The following TTLL7 variants were observed in gnomAD, a reference collection of about 807,000 sequenced individuals.
The protein encoded by TTLL7 is tubulin tyrosine ligase like 7.
Under a neutral mutation model 120.2 loss-of-function variants are expected in TTLL7, and 53 were observed. The ratio of observed to expected loss-of-function variants is 0.44; its 90% CI spans 0.35 to 0.55. The LOEUF (loss-of-function observed/expected upper bound fraction) is 0.55, where lower values mean the gene tolerates loss of function less well. TTLL7 is among the 20% of genes least tolerant of loss of function. The probability of loss-of-function intolerance (pLI) is 0.00; values close to 1 mark genes in which losing one functional copy is unlikely to be tolerated. For synonymous variants in TTLL7, 353 were observed against 351.7 expected (o/e 1.00, Z -0.04); for missense variants, 803 against 1,054.7 (o/e 0.76, Z 3.31).
chr1:83,965,580 T>C (rs986138288), intron 1 of TTLL7, among the ~76,000 whole-genome samples: 7 of 152,168 alleles, frequency 4.6e-5, no homozygotes, highest in Non-Finnish European at 1.0e-4. Context: ...GGTATGCAAC[T>C]TTAAATGCTC....
At chr1:83,959,260 G>A (rs1455160361) in intron 1 of TTLL7, among the ~76,000 whole-genome samples, 1 of 152,170 alleles carries the variant, frequency 6.6e-6, no homozygotes, top group Non-Finnish European at 1.5e-5. Flanking sequence ...TCTGATGCAG[G>A]CTAAAGCTCT....
At position 83,904,073 on chromosome 1, in the gene TTLL7, A is replaced by T; in HGVS notation, c.2208+6T>A. 6.2e-7 allele frequency: 1 copy of T among 1,609,602 alleles called. No homozygotes were observed. The highest frequency in any genetic ancestry group is 8.5e-7 in the Non-Finnish European group (1 of 1,177,030). ...AGGGAAAAAACTTGTTTTGAGCATT[A>T]CTCACTTTTCGTTGTTTTACAGAGT... On this transcript the variant is annotated splice_donor_region_variant and intron_variant, in intron 18 of 20. Transcript: ENST00000260505.
chr1:83,950,426 TTATTTTTAG>T (rs1192188168), intron 3 of TTLL7, among the ~76,000 whole-genome samples: 6 of 152,286 alleles, frequency 3.9e-5, no homozygotes, highest in African/African-American at 1.2e-4. Context: ...CTAGTTCAAA[TTATTTTTAG>T]TACTTAAAGT....
intron 18 of TTLL7, among the ~76,000 whole-genome samples, chr1:83,892,790 A>ACGCATATGTGAACATATATATGAG (rs1376615481): frequency 5.4e-3 from 469 of 86,382 alleles, no homozygotes; most frequent in Admixed American, 7.2e-3. Flanking sequence ...ATATATATGA[A>ACGCATATGTGAACATATATATGAG]CGCATATGTG....
chr1:83,967,201 T>C (rs1307593107), intron 1 of TTLL7, among the ~76,000 whole-genome samples: 3 of 152,102 alleles, frequency 2.0e-5, no homozygotes, highest in Non-Finnish European at 4.4e-5. Context: ...GTGTGTCTTA[T>C]AACAAACAGG....
rs185965640 is a variant in TTLL7 at position 83,905,498 on chromosome 1, A to G, written c.2127+831T>C. 3.2e-3 allele frequency among the ~76,000 whole-genome samples: 473 copies of G among 149,926 alleles called. 2 individuals carry two copies. Among genetic ancestry groups the G allele is most frequent in the Admixed American group, 5.4e-3 (80 of 14,722 alleles). On this transcript the variant is annotated intron_variant, in intron 17 of 20. Transcript: ENST00000260505. Reference sequence around the variant, plus strand: ...TGTAGTTTTTATCCTATAACTGGCCACTAGATGGTGCCCTCTCCTCTGGGA... The same window carrying G: ...TGTAGTTTTTATCCTATAACTGGCCGCTAGATGGTGCCCTCTCCTCTGGGA...
At chr1:83,909,696 T>C (rs868038219) in intron 15 of TTLL7, among the ~76,000 whole-genome samples, 3 of 152,174 alleles carry the variant, frequency 2.0e-5, no homozygotes, top group Admixed American at 6.6e-5. Context: ...TTTAGTGCAC[T>C]ATTGTCTGAT....
intron 4 of TTLL7, chr1:83,949,303 T>C (rs193166605): frequency 3.3e-5 from 5 of 149,994 alleles, no homozygotes; most frequent in African/African-American, 1.3e-4. Flanking sequence ...GAAGAGGTGT[T>C]TTTTTTGTTT....
At chr1:83,960,674 TA>T (rs1649934397) in intron 1 of TTLL7, among the ~76,000 whole-genome samples, 1 of 152,138 alleles carries the variant, frequency 6.6e-6, no homozygotes, top group African/African-American at 2.4e-5. Context: ...GGGAATCCTC[TA>T]CTTTTATAGG....
intron 9 of TTLL7, among the ~76,000 whole-genome samples, chr1:83,930,818 G>T (rs1184862256): frequency 6.6e-6 from 1 of 151,978 alleles, no homozygotes; most frequent in African/African-American, 2.4e-5. Flanking sequence ...TGGTACTGAG[G>T]TCTTGGTATA....
intron 6 of TTLL7, 22 bp from the exon 7 acceptor site, chr1:83,942,701 A>G (rs770376673): frequency 1.3e-5 from 21 of 1,558,876 alleles, no homozygotes; most frequent in Non-Finnish European, 1.8e-5. Context: ...GAAAAAAATT[A>G]AAAGAATGAT....
chr1:83,922,301 G>T (rs1261464518), intron 10 of TTLL7, among the ~76,000 whole-genome samples: 1 of 152,152 alleles, frequency 6.6e-6, no homozygotes, highest in African/African-American at 2.4e-5. Context: ...GTAGGGCCCA[G>T]ATAAGAGTGT....
chr1:83,899,498 T>A (rs761819195), intron 18 of TTLL7, among the ~76,000 whole-genome samples: 1 of 152,120 alleles, frequency 6.6e-6, no homozygotes, highest in East Asian at 1.9e-4. Flanking sequence ...AGACCAGCCC[T>A]TTCTGTTCTT....
intron 20 of TTLL7, among the ~76,000 whole-genome samples, chr1:83,877,022 G>T (rs72722886): frequency 0.051 from 7,736 of 151,968 alleles, 291 homozygotes; most frequent in Middle Eastern, 0.082. Context: ...TATGTTTGTT[G>T]TAAGTTTTTC....
At chr1:83,976,948 A>G (rs1651546271) in intron 1 of TTLL7, among the ~76,000 whole-genome samples, 1 of 151,998 alleles carries the variant, frequency 6.6e-6, no homozygotes, top group South Asian at 2.1e-4. Context: ...AACTCCATCA[A>G]ACCCTTTTTA....
At position 83,868,408 on chromosome 1, in the gene TTLL7, C is replaced by G. The variant is rs1653062040; in HGVS notation, c.*1554G>C. On this transcript the variant is annotated 3_prime_UTR_variant, in exon 21 of 21. Transcript: ENST00000260505. ...TTTTATGGAAAACTGAAAGCTCACT[C>G]TTGGTTTTAAAAACTGTATTCAAGA... 3 of 152,114 alleles carry G rather than the reference C, an allele frequency of 2.0e-5. No individual in the cohort carries two copies. Among genetic ancestry groups the G allele is most frequent in the Admixed American group, 2.0e-4 (3 of 15,272 alleles). The allele number at this position is 152,114 out of a possible 1,614,324, so 9.4% of individuals were successfully genotyped here. A position where few individuals can be genotyped will look rare whatever the true frequency, so the allele number is the denominator to read the frequency against.
intron 1 of TTLL7, among the ~76,000 whole-genome samples, chr1:83,981,817 C>T (rs531135035): frequency 1.4e-5 from 2 of 146,428 alleles, no homozygotes; most frequent in Admixed American, 7.0e-5. Context: ...GGCGACAGAG[C>T]GAGACTCTGT....
At chr1:83,899,448 T>C (rs1656517044) in intron 18 of TTLL7, among the ~76,000 whole-genome samples, 1 of 151,958 alleles carries the variant, frequency 6.6e-6, no homozygotes, top group Admixed American at 6.6e-5. Context: ...CAGGGCTCCA[T>C]AAAATTGGGC....
intron 19 of TTLL7, among the ~76,000 whole-genome samples, chr1:83,884,761 A>C (rs1654838680): frequency 6.7e-6 from 1 of 149,930 alleles, no homozygotes; most frequent in African/African-American, 2.4e-5. Flanking sequence ...ATTGGGAGAT[A>C]TACCTAATGC....
Sources: gnomAD v4.1 joint callset for allele counts (sites outside exome capture counted in the v4.1 genomes callset) on GRCh38, gnomAD v4.1.1 for gene constraint, MANE v1.5 for transcripts, NCBI Gene and HGNC (gene_info 2026-07-23, HGNC 2026-07-21) for gene names.